LMNTD1: variants seen among roughly 807,000 people sequenced by gnomAD.
The protein encoded by LMNTD1 is lamin tail domain containing 1, also known as lamin tail domain-containing protein 1.
Under a neutral mutation model 50.9 loss-of-function variants are expected in LMNTD1, and 35 were observed. The observed-to-expected ratio is 0.69, with a 90% confidence interval of 0.53 to 0.91. LMNTD1 has a LOEUF of 0.91. LMNTD1 is among the 40% of genes least tolerant of loss of function. The probability of loss-of-function intolerance (pLI) is 0.00; values close to 1 mark genes in which losing one functional copy is unlikely to be tolerated. For missense variants in LMNTD1, 470 were observed against 475.5 expected, an observed-to-expected ratio of 0.99 and a Z score of 0.11; for synonymous variants, 153 against 161.9, an observed-to-expected ratio of 0.94 and a Z score of 0.42.
chr12:25,563,595 G>A (rs948707262), intron 1 of LMNTD1, among the ~76,000 whole-genome samples: 4 of 152,228 alleles, frequency 2.6e-5, no homozygotes, highest in African/African-American at 7.2e-5. Flanking sequence ...AGGGGTCAGG[G>A]ACCCACTTGA....
chr12:25,508,439 ATAT>A (rs1367103959), intron 8 of LMNTD1, among the ~76,000 whole-genome samples: 1 of 152,154 alleles, frequency 6.6e-6, no homozygotes, highest in African/African-American at 2.4e-5. Context: ...AGATTCACTG[ATAT>A]TATTGCATGT....
intron 1 of LMNTD1, among the ~76,000 whole-genome samples, chr12:25,639,135 C>A (rs992927669): frequency 6.6e-6 from 1 of 152,026 alleles, no homozygotes; most frequent in Admixed American, 6.6e-5. Flanking sequence ...GAAGTTGGAC[C>A]CTTCCTCAAA....
intron 4 of LMNTD1, among the ~76,000 whole-genome samples, chr12:25,531,776 T>C (rs1463348783): frequency 1.3e-5 from 2 of 152,178 alleles, no homozygotes; most frequent in Non-Finnish European, 2.9e-5. Flanking sequence ...TAGAAGTAGA[T>C]TAAAACAAAA....
At chr12:25,507,841 T>C (rs1939932119) in intron 8 of LMNTD1, among the ~76,000 whole-genome samples, 1 of 152,256 alleles carries the variant, frequency 6.6e-6, no homozygotes, top group Admixed American at 6.5e-5. Flanking sequence ...ATTAGCTTTC[T>C]CTGCTATGAG....
At chr12:25,625,782 C>T (rs566186894) in intron 1 of LMNTD1, among the ~76,000 whole-genome samples, 19 of 152,182 alleles carry the variant, frequency 1.2e-4, no homozygotes, top group Non-Finnish European at 2.6e-4. Flanking sequence ...GGGCCTTGGC[C>T]TCACCACCAC....
chr12:25,555,324 T>C (rs1943997029), upstream of LMNTD1, among the ~76,000 whole-genome samples: 1 of 152,166 alleles, frequency 6.6e-6, no homozygotes, highest in African/African-American at 2.4e-5. Flanking sequence ...GGACAGAGAA[T>C]AACAGTAGCA....
At chr12:25,631,972 A>G (rs1375061965) in intron 1 of LMNTD1, among the ~76,000 whole-genome samples, 1 of 152,200 alleles carries the variant, frequency 6.6e-6, no homozygotes, top group Non-Finnish European at 1.5e-5. Flanking sequence ...AAAATTCAGG[A>G]AACATTGGAC....
At chr12:25,585,589 A>T (rs1225090798) in intron 1 of LMNTD1, among the ~76,000 whole-genome samples, 1 of 152,222 alleles carries the variant, frequency 6.6e-6, no homozygotes, top group Non-Finnish European at 1.5e-5. Flanking sequence ...TAATTTTGAA[A>T]TGCAATTGGC....
Position 25,568,286 on chromosome 12 carries a change from G to T in LMNTD1, c.59-21732C>A, listed in dbSNP as rs150011778. On this transcript the variant is annotated intron_variant, in intron 1 of 7. Coordinates refer to the LMNTD1 transcript ENST00000445693. Reference sequence around the variant, plus strand: ...GGAAGAAATTTCTAAGTAGCAAAACGGTCAATATGTTGCCTGGCTGCTTCT... The same window carrying T: ...GGAAGAAATTTCTAAGTAGCAAAACTGTCAATATGTTGCCTGGCTGCTTCT... Among the ~76,000 whole-genome samples the T allele has an allele frequency of 1.4e-4, 22 of 152,322 alleles. No individual in the cohort carries two copies. The South Asian group carries it at 4.6e-3, about 32-fold the overall frequency.
In LMNTD1 at chr12:25,608,366, C is replaced by A. The variant is rs189604130; in HGVS notation, c.58+40128G>T. Among the ~76,000 whole-genome samples, 36 of 152,268 alleles carry A rather than the reference C, an allele frequency of 2.4e-4. No homozygotes were observed. The East Asian group carries it at 6.6e-3, about 28-fold the overall frequency. ...TAATATTGTGATCTGTGAATGTGAA[C>A]CTGTCATTATGATGTTAGCTGGTTA... On this transcript the variant is annotated intron_variant, in intron 1 of 7. Coordinates refer to the LMNTD1 transcript ENST00000445693.
At chr12:25,599,703 G>A (rs909149590) in intron 1 of LMNTD1, among the ~76,000 whole-genome samples, 2 of 151,788 alleles carry the variant, frequency 1.3e-5, no homozygotes, top group African/African-American at 4.8e-5. Context: ...ATTTATAATA[G>A]CCAGAAATCA....
At chr12:25,490,329 A>G (rs1334708177) in intron 9 of LMNTD1, among the ~76,000 whole-genome samples, 1 of 152,200 alleles carries the variant, frequency 6.6e-6, no homozygotes. Context: ...TTTTTTTAAC[A>G]TTAAGTGAAG....
intron 1 of LMNTD1, among the ~76,000 whole-genome samples, chr12:25,588,848 A>T (rs1298502821): frequency 3.3e-5 from 5 of 152,228 alleles, no homozygotes; most frequent in Non-Finnish European, 7.4e-5. Context: ...ATGGGAAAAA[A>T]ATCAGAACTC....
intron 9 of LMNTD1, among the ~76,000 whole-genome samples, chr12:25,476,932 G>A (rs925949496): frequency 5.9e-5 from 9 of 152,078 alleles, no homozygotes; most frequent in Non-Finnish European, 1.2e-4. Context: ...ATAGATAGCC[G>A]AGGTGCAGCT....
intron 9 of LMNTD1, among the ~76,000 whole-genome samples, chr12:25,501,552 T>C (rs1231191418): frequency 6.6e-6 from 1 of 152,172 alleles, no homozygotes; most frequent in Non-Finnish European, 1.5e-5. Context: ...AATGGCATCA[T>C]GTTGAGATTC....
At chr12:25,564,343 C>G (rs1010672924) in intron 1 of LMNTD1, among the ~76,000 whole-genome samples, 3 of 152,246 alleles carry the variant, frequency 2.0e-5, no homozygotes, top group African/African-American at 7.2e-5. Flanking sequence ...ACTGCAACCT[C>G]TGCCTTCCAG....
intron 1 of LMNTD1, among the ~76,000 whole-genome samples, chr12:25,594,369 C>A (rs912089977): frequency 5.3e-5 from 8 of 152,114 alleles, no homozygotes; most frequent in African/African-American, 1.7e-4. Flanking sequence ...GATTTCTCAG[C>A]AGAAACCCTA....
At chr12:25,634,944 A>T (rs1401266219) in intron 1 of LMNTD1, among the ~76,000 whole-genome samples, 1 of 152,028 alleles carries the variant, frequency 6.6e-6, no homozygotes, top group Non-Finnish European at 1.5e-5. Context: ...TAGAACTTAT[A>T]AAAAAAATTC....
intron 4 of LMNTD1, among the ~76,000 whole-genome samples, chr12:25,545,276 T>G (rs894797439): frequency 6.6e-6 from 1 of 151,692 alleles, no homozygotes; most frequent in African/African-American, 2.4e-5. Flanking sequence ...AAACATTGTC[T>G]CATTACCTCC....
Sources: allele counts gnomAD v4.1 joint callset (sites outside exome capture counted in the v4.1 genomes callset), GRCh38; gene constraint gnomAD v4.1.1; transcripts MANE v1.5; gene names NCBI Gene and HGNC (gene_info 2026-07-23, HGNC 2026-07-21).